Variants in TAFA2 observed in about 807,000 individuals in gnomAD.
TAFA2 encodes TAFA chemokine like family member 2.
TAFA2 carries 7 observed loss-of-function variants against 18.8 expected under a neutral mutation model. That is an observed-to-expected ratio of 0.37 (90% CI 0.21 to 0.70). The LOEUF (loss-of-function observed/expected upper bound fraction) is 0.70, where lower values mean the gene tolerates loss of function less well. Ranked by LOEUF, TAFA2 falls within the 30% of genes least tolerant of loss-of-function variation. The pLI, the probability that TAFA2 is intolerant of heterozygous loss-of-function variation, is 0.53. For synonymous variants in TAFA2, 60 were observed against 54.2 expected, an observed-to-expected ratio of 1.11 and a Z score of -0.47; for missense variants, 122 against 158.1, an observed-to-expected ratio of 0.77 and a Z score of 1.23.
At chr12:62,118,727 CGTG>C (rs1870068457) in intron 1 of TAFA2, among the ~76,000 whole-genome samples, 1 of 151,958 alleles carries the variant, frequency 6.6e-6, no homozygotes, top group Admixed American at 6.6e-5. Context: ...GATGTGATAT[CGTG>C]TAATAAACAT....
intron 1 of TAFA2, among the ~76,000 whole-genome samples, chr12:62,135,306 G>A (rs1400702743): frequency 1.3e-5 from 2 of 152,028 alleles, no homozygotes; most frequent in Non-Finnish European, 2.9e-5. Context: ...TTCAAGCAAA[G>A]CCACATTCTT....
intron 2 of TAFA2, among the ~76,000 whole-genome samples, chr12:61,842,789 T>C (rs1873240729): frequency 6.6e-6 from 1 of 152,106 alleles, no homozygotes; most frequent in Admixed American, 6.6e-5. Flanking sequence ...AACATTGAAG[T>C]AGACATCTTT....
intron 2 of TAFA2, among the ~76,000 whole-genome samples, chr12:61,777,159 G>C (rs1244884610): frequency 6.6e-6 from 1 of 151,870 alleles, no homozygotes; most frequent in Non-Finnish European, 1.5e-5. Flanking sequence ...ACCAATTAAT[G>C]AATCAAAGAC....
At chr12:62,065,570 C>T (rs901083470) in intron 1 of TAFA2, among the ~76,000 whole-genome samples, 2 of 151,978 alleles carry the variant, frequency 1.3e-5, no homozygotes, top group African/African-American at 4.8e-5. Context: ...GGCCCAGAGC[C>T]CCATATATTA....
intron 1 of TAFA2, among the ~76,000 whole-genome samples, chr12:61,918,880 C>A (rs1876933274): frequency 6.6e-6 from 1 of 152,126 alleles, no homozygotes; most frequent in South Asian, 2.1e-4. Flanking sequence ...ATACTGGTGC[C>A]ATATTTAAAA....
rs1223367544 is a variant in TAFA2 at position 61,851,120 on chromosome 12, G to A, written c.106+16200C>T. 2.6e-5 allele frequency among the ~76,000 whole-genome samples: 4 copies of A among 152,252 alleles called. No individual in the cohort carries two copies. In the South Asian group the frequency reaches 8.3e-4, roughly 32 times the overall value. The stretch of plus-strand genomic sequence containing the variant: ...TGAATCTAACCTCAGAGAGCTTACA[G>A]TTAAGTGAGAAAAATAAACATTAAC... On this transcript the variant is annotated intron_variant, in intron 2 of 4. Coordinates refer to ENST00000416284, the MANE Select transcript of TAFA2 (RefSeq NM_178539.5).
chr12:61,785,156 T>A (rs1870675268), intron 2 of TAFA2, among the ~76,000 whole-genome samples: 1 of 151,638 alleles, frequency 6.6e-6, no homozygotes, highest in Non-Finnish European at 1.5e-5. Context: ...GTTCTACATG[T>A]TACTTCTATA....
intron 1 of TAFA2, among the ~76,000 whole-genome samples, chr12:62,154,571 T>A (rs2062355077): frequency 6.6e-6 from 1 of 152,170 alleles, no homozygotes; most frequent in African/African-American, 2.4e-5. Context: ...TGTAAAGAAT[T>A]ATAAGAGATA....
At chr12:61,949,954 T>C (rs1425338863) in intron 1 of TAFA2, among the ~76,000 whole-genome samples, 1 of 152,118 alleles carries the variant, frequency 6.6e-6, no homozygotes, top group African/African-American at 2.4e-5. Flanking sequence ...TGGTAATCAC[T>C]CTCTACTTTC....
At chr12:61,747,632 G>A (rs200014215) in intron 4 of TAFA2, among the ~76,000 whole-genome samples, 15,232 of 149,348 alleles carry the variant, frequency 0.1, 987 homozygotes, top group East Asian at 0.19. Context: ...ACCAAACACC[G>A]CATATTCTCA....
intron 2 of TAFA2, among the ~76,000 whole-genome samples, chr12:61,835,467 A>G (rs1872882620): frequency 1.3e-5 from 2 of 152,020 alleles, no homozygotes; most frequent in South Asian, 4.1e-4. Flanking sequence ...CACTGATCCC[A>G]TCACTCAGAT....
chr12:62,038,502 G>C (rs1390107615), intron 1 of TAFA2, among the ~76,000 whole-genome samples: 1 of 152,072 alleles, frequency 6.6e-6, no homozygotes, highest in African/African-American at 2.4e-5. Flanking sequence ...AAGTAATCTA[G>C]TGATCATTTA....
In TAFA2 at chr12:61,999,645, T is replaced by C. The variant is rs529004689; in HGVS notation, c.-1-132219A>G. Among the ~76,000 whole-genome samples, 3 of 152,334 alleles carry C rather than the reference T, an allele frequency of 2.0e-5. No individual in the cohort carries two copies. The South Asian group carries it at 6.2e-4, about 32-fold the overall frequency. On this transcript the variant is annotated intron_variant, in intron 1 of 4. Transcript: ENST00000416284. ...AAGTATTTAATCCACCTGTGCCTGT[T>C]TCTGTATCCGTATGCTGAAGCGAAT...
chr12:61,941,637 C>T (rs954061300), intron 1 of TAFA2, among the ~76,000 whole-genome samples: 38 of 152,192 alleles, frequency 2.5e-4, no homozygotes, highest in Non-Finnish European at 2.2e-4. Flanking sequence ...ATTGCCTCAC[C>T]TGGGAAGCGC....
At chr12:61,943,323 C>G (rs548929593) in intron 1 of TAFA2, among the ~76,000 whole-genome samples, 17 of 150,092 alleles carry the variant, frequency 1.1e-4, no homozygotes, top group African/African-American at 4.2e-4. Flanking sequence ...TGGAAAGGAA[C>G]AACCGGTACC....
intron 1 of TAFA2, among the ~76,000 whole-genome samples, chr12:61,886,612 G>C (rs1311308104): frequency 6.6e-6 from 1 of 152,180 alleles, no homozygotes; most frequent in Non-Finnish European, 1.5e-5. Flanking sequence ...AGAGTGGCAA[G>C]TTCTCGTGTG....
chr12:62,034,009 T>C (rs1881533174), intron 1 of TAFA2, among the ~76,000 whole-genome samples: 1 of 152,206 alleles, frequency 6.6e-6, no homozygotes, highest in Non-Finnish European at 1.5e-5. Context: ...TCTAATCCCT[T>C]TATTCAAAAA....
rs114211464 is a variant in TAFA2, at chr12:61,710,295, C to T, written c.*111G>A. 5,146 of 936,042 alleles carry T rather than the reference C, an allele frequency of 5.5e-3. 144 individuals are homozygous for T. The African/African-American group carries it at 0.065, about 12-fold the overall frequency. 58.0% of individuals were successfully genotyped at this position (936,042 alleles called of 1,614,324 possible). A position where few individuals can be genotyped will look rare whatever the true frequency, so the allele number is the denominator to read the frequency against. ...AATCCCTTGGAAATAGACTATTGAG[C>T]GCCTCTTTCAAGTGGTATAAAAATC... On this transcript the variant is annotated 3_prime_UTR_variant, in exon 5 of 5. Transcript: ENST00000416284.
Position 61,754,866 on chromosome 12 carries a change from T to C in TAFA2, c.259+6A>G. ...CTGTTACAATAAGGAATGGAAGAAGTCACACCATCCACACATGATGGAGCA... is the reference window on the plus strand; with the variant it reads ...CTGTTACAATAAGGAATGGAAGAAGCCACACCATCCACACATGATGGAGCA... On this transcript the variant is annotated splice_donor_region_variant and intron_variant, in intron 3 of 4. Transcript: ENST00000416284. 1 of 1,612,168 alleles carries C rather than the reference T, an allele frequency of 6.2e-7. No homozygotes were observed. The highest frequency in any genetic ancestry group is 8.5e-7 in the Non-Finnish European group (1 of 1,179,074).
Sources: gnomAD v4.1 joint callset for allele counts (sites outside exome capture counted in the v4.1 genomes callset) on GRCh38, gnomAD v4.1.1 for gene constraint, MANE v1.5 for transcripts, NCBI Gene and HGNC (gene_info 2026-07-23, HGNC 2026-07-21) for gene names.